CLEC20A: variants seen among roughly 807,000 people sequenced by gnomAD.
The protein encoded by CLEC20A is C-type lectin domain containing 20A.
intron 5 of CLEC20A, among the ~76,000 whole-genome samples, chr1:178,487,371 A>G (rs923922641): frequency 6.6e-6 from 1 of 152,116 alleles, no homozygotes; most frequent in Non-Finnish European, 1.5e-5. Context: ...CTTCAGGGTG[A>G]GGTCCCTTAG....
chr1:178,488,879 C>T (rs1649213589), intron 4 of CLEC20A, among the ~76,000 whole-genome samples: 1 of 152,036 alleles, frequency 6.6e-6, no homozygotes, highest in Non-Finnish European at 1.5e-5. Context: ...CAGCCAAGGA[C>T]AAGCAAATCC....
chr1:178,479,823 A>T (rs937239046), intron 7 of CLEC20A: 1 of 346,606 alleles, frequency 2.9e-6, no homozygotes, highest in African/African-American at 2.1e-5. Flanking sequence ...AAAAAATTTA[A>T]TGACAAAGAA....
chr1:178,483,017 G>A (rs1475890510), intron 6 of CLEC20A, 158 bp downstream of exon 6: 2 of 393,640 alleles, frequency 5.1e-6, no homozygotes, highest in East Asian at 7.2e-5. Context: ...TAGTCATGGA[G>A]CATAAACTAG....
upstream of CLEC20A, among the ~76,000 whole-genome samples, chr1:178,498,573 G>C (rs1465250216): frequency 6.6e-6 from 1 of 152,086 alleles, no homozygotes. Flanking sequence ...CTGGGAGACA[G>C]GGCGAGACCC....
chr1:178,494,243 TTTTG>T (rs1447157259), intron 2 of CLEC20A, among the ~76,000 whole-genome samples: 3 of 151,968 alleles, frequency 2.0e-5, no homozygotes, highest in Non-Finnish European at 4.4e-5. Flanking sequence ...AAGGTTGGTT[TTTTG>T]TTTGTTTTGT....
chr1:178,483,342 T>C, intron 5 of CLEC20A, 60 bp from the exon 6 acceptor site: 2 of 398,196 alleles, frequency 5.0e-6, no homozygotes, highest in African/African-American at 4.1e-5. Flanking sequence ...GGTGGCCTGA[T>C]ATTGGTGACT....
chr1:178,482,490 T>C, intron 6 of CLEC20A, 93 bp from the exon 7 acceptor site: 2 of 397,190 alleles, frequency 5.0e-6, no homozygotes, highest in Non-Finnish European at 8.9e-6. Context: ...ACACCATAGA[T>C]GCTACATGTT....
chr1:178,496,716 G>A (rs1163745841), intron 1 of CLEC20A, 184 bp downstream of exon 1: 1 of 397,236 alleles, frequency 2.5e-6, no homozygotes, highest in Non-Finnish European at 4.4e-6. Flanking sequence ...TGTCTGGTTA[G>A]GGGCGATGAG....
intron 3 of CLEC20A, among the ~76,000 whole-genome samples, chr1:178,491,092 C>A (rs1041889216): frequency 6.6e-6 from 1 of 152,208 alleles, no homozygotes; most frequent in Non-Finnish European, 1.5e-5. Context: ...GGAGCCCAGA[C>A]AGACTGAGAT....
intron 2 of CLEC20A, among the ~76,000 whole-genome samples, 157 bp downstream of exon 2, chr1:178,494,297 T>C (rs996469461): frequency 3.3e-5 from 5 of 152,188 alleles, no homozygotes; most frequent in Non-Finnish European, 5.9e-5. Flanking sequence ...CATGCACCTG[T>C]AGTCCCAGCT....
intron 5 of CLEC20A, chr1:178,486,761 G>A (rs1649156388): frequency 2.5e-6 from 1 of 398,692 alleles, no homozygotes; most frequent in East Asian, 3.6e-5. Flanking sequence ...GCCGCAGCAG[G>A]GCTGGAGGGC....
At chr1:178,488,167 C>T (rs1649192435) in intron 5 of CLEC20A, among the ~76,000 whole-genome samples, 1 of 152,228 alleles carries the variant, frequency 6.6e-6, no homozygotes, top group Non-Finnish European at 1.5e-5. Context: ...TTCCCCTCCA[C>T]CTCCCCCAGG....
At chr1:178,485,470 C>T (rs541363319) in intron 5 of CLEC20A, among the ~76,000 whole-genome samples, 2 of 152,334 alleles carry the variant, frequency 1.3e-5, no homozygotes, top group Admixed American at 6.5e-5. Flanking sequence ...ATTCCTTCTG[C>T]CAGGAAGAAC....
chr1:178,496,440 T>C (rs1649392301), intron 1 of CLEC20A: 1 of 155,622 alleles, frequency 6.4e-6, no homozygotes, highest in Admixed American at 6.5e-5. Context: ...AAGCCAGGGC[T>C]TTTCCTGGCT....
At chr1:178,494,887 C>T (rs145288477) in intron 1 of CLEC20A, 77 bp from the exon 2 acceptor site, 5 of 398,594 alleles carry the variant, frequency 1.3e-5, no homozygotes, top group South Asian at 1.4e-4. Context: ...CAGCCACACT[C>T]GGGTGGGCCT....
intron 7 of CLEC20A, chr1:178,479,903 TAAAAAAAAA>T (rs74263840): frequency 4.6e-5 from 6 of 130,736 alleles, no homozygotes; most frequent in African/African-American, 1.9e-4. Context: ...GAGAGTTGTT[TAAAAAAAAA>T]AAAAAAGAAA....
chr1:178,495,312 G>A (rs1203157342), intron 1 of CLEC20A, among the ~76,000 whole-genome samples: 1 of 152,236 alleles, frequency 6.6e-6, no homozygotes, highest in Non-Finnish European at 1.5e-5. Context: ...TCACTCAGTG[G>A]GAAGGAATAC....
chr1:178,485,277 C>G (rs1050972039), intron 5 of CLEC20A, among the ~76,000 whole-genome samples: 20 of 152,332 alleles, frequency 1.3e-4, no homozygotes, highest in Admixed American at 1.3e-3. Context: ...TGCTCACCTG[C>G]TGTAAACCTC....
At chr1:178,494,260 T>C (rs1202011758) in intron 2 of CLEC20A, among the ~76,000 whole-genome samples, 194 bp downstream of exon 2, 1 of 152,172 alleles carries the variant, frequency 6.6e-6, no homozygotes, top group East Asian at 1.9e-4. Context: ...TGTTTTGTTT[T>C]GTTTTTTAAT....
Sources: allele counts gnomAD v4.1 joint callset (sites outside exome capture counted in the v4.1 genomes callset), GRCh38; gene constraint gnomAD v4.1.1; transcripts MANE v1.5; gene names NCBI Gene and HGNC (gene_info 2026-07-23, HGNC 2026-07-21).